Variants in LRRC75A observed in about 807,000 individuals in gnomAD.
LRRC75A encodes leucine-rich repeat-containing protein 75A.
LRRC75A carries 12 observed loss-of-function variants against 26.0 expected under a neutral mutation model. That is an observed-to-expected ratio of 0.46 (90% CI 0.30 to 0.75). The LOEUF is 0.75. LRRC75A is among the 30% of genes least tolerant of loss of function. The pLI, the probability that LRRC75A is intolerant of heterozygous loss-of-function variation, is 0.08. For synonymous variants in LRRC75A, 223 were observed against 219.3 expected, an observed-to-expected ratio of 1.02 and a Z score of -0.15; for missense variants, 410 against 486.6, an observed-to-expected ratio of 0.84 and a Z score of 1.48.
At chr17:16,448,232 G>A in intron 2 of LRRC75A, 1 of 421,996 alleles carries the variant, frequency 2.4e-6, no homozygotes, top group Non-Finnish European at 4.5e-6. Flanking sequence ...AAGTTGGCTG[G>A]AGCCAAGTGC....
chr17:16,483,497 G>A (rs1242092370), intron 1 of LRRC75A, among the ~76,000 whole-genome samples: 1 of 152,242 alleles, frequency 6.6e-6, no homozygotes, highest in Non-Finnish European at 1.5e-5. Flanking sequence ...GTTCGAATGT[G>A]AATCTGGCTC....
chr17:16,449,531 G>C (rs982235543), intron 2 of LRRC75A, among the ~76,000 whole-genome samples: 2 of 152,224 alleles, frequency 1.3e-5, no homozygotes, highest in Non-Finnish European at 2.9e-5. Flanking sequence ...TACCGTGATA[G>C]CGGCACCAGC....
intron 2 of LRRC75A, among the ~76,000 whole-genome samples, chr17:16,451,881 A>G (rs2093633978): frequency 1.3e-5 from 2 of 150,882 alleles, no homozygotes; most frequent in African/African-American, 4.9e-5. Context: ...AGTAGCTGGG[A>G]CTACAGGCGC....
rs10640541 is a variant in LRRC75A at position 16,473,129 on chromosome 17, C to CTGTGTGTG, written c.247-10751_247-10744dup. 3.0e-3 allele frequency among the ~76,000 whole-genome samples: 451 copies of CTGTGTGTG among 149,054 alleles called. 2 individuals are homozygous for CTGTGTGTG. Among genetic ancestry groups the CTGTGTGTG allele is most frequent in the African/African-American group, 0.011 (436 of 40,728 alleles). On this transcript the variant is annotated intron_variant, in intron 1 of 3. Coordinates refer to ENST00000470794, the MANE Select transcript of LRRC75A (RefSeq NM_001113567.3). ...GAAAATTCAAGTCGTTGTAAGTAGT[C>CTGTGTGTG]TGTGTGTGTGTGTGTGTGTGTGCGC... is the stretch of plus-strand genomic sequence containing the variant.
chr17:16,444,273 G>A (rs2093561268), intron 3 of LRRC75A, 142 bp from the exon 4 acceptor site: 2 of 686,356 alleles, frequency 2.9e-6, no homozygotes, highest in Non-Finnish European at 4.8e-6. Context: ...CACAAGTGCA[G>A]AGGTGGGAGC....
rs192438397 is a variant in LRRC75A at position 16,476,405 on chromosome 17, C to T, written c.247-14019G>A. ...TTTTTTTTTTTTGTAGAAATGGAGT[C>T]TTGCTTTGTTTGCCTAGGCTGGTCT... On this transcript the variant is annotated intron_variant, in intron 1 of 3. Transcript: ENST00000470794. Among the ~76,000 whole-genome samples, 415 of 150,780 alleles carry T rather than the reference C, an allele frequency of 2.8e-3. 1 individual carries two copies. Among genetic ancestry groups the T allele is most frequent in the Non-Finnish European group, 4.3e-3 (290 of 67,798 alleles).
At chr17:16,478,175 TTTC>T (rs943500207) in intron 1 of LRRC75A, among the ~76,000 whole-genome samples, 2 of 151,276 alleles carry the variant, frequency 1.3e-5, no homozygotes, top group Admixed American at 6.6e-5. Flanking sequence ...TCTTGCCCAT[TTTC>T]TTCTTTTTTT....
At chr17:16,484,904 G>T (rs74860583) in intron 1 of LRRC75A, among the ~76,000 whole-genome samples, 2,058 of 151,566 alleles carry the variant, frequency 0.014, 45 homozygotes, top group African/African-American at 0.047. Flanking sequence ...TCTTTGAGCA[G>T]CAGCCGTCGG....
intron 2 of LRRC75A, among the ~76,000 whole-genome samples, chr17:16,456,133 G>GGAGGAGGAA (rs1161498692): frequency 6.7e-6 from 1 of 148,788 alleles, no homozygotes; most frequent in Non-Finnish European, 1.5e-5. Flanking sequence ...AGTAGTAGGA[G>GGAGGAGGAA]GAGGAGGAAG....
At position 16,491,881 on chromosome 17, in the gene LRRC75A, G is replaced by C; in HGVS notation, c.110C>G (p.Ala37Gly). ...PDFWASLLLRAGDKAGRAGAG... is the reference protein window; with the variant it reads ...PDFWASLLLRGGDKAGRAGAG... ...GCCCGCGCGCCCCGCCTTGTCCCCG[G>C]CGCGCAGCAGCAGCGACGCCCAGAA... Residue 37 changes from alanine (A) to glycine (G), a missense_variant, in exon 1 of 4, where the codon GCC becomes GGC. By Grantham distance (60) the Ala-to-Gly change is moderately conservative. Coordinates refer to ENST00000470794, the MANE Select transcript of LRRC75A (RefSeq NM_001113567.3). This position sits in a 1 kb window ranked among gnomAD's most constrained non-coding sequence, Gnocchi z 5.9. The C allele has an allele frequency of 7.3e-7, 1 of 1,361,042 alleles. No individual in the cohort carries two copies. The highest frequency in any genetic ancestry group is 3.3e-5 in the East Asian group (1 of 30,232). The allele number at this position is 1,361,042 out of a possible 1,614,324, so 84.3% of individuals were successfully genotyped here.
intron 2 of LRRC75A, among the ~76,000 whole-genome samples, chr17:16,453,326 ACG>A (rs1568956665): frequency 9.4e-5 from 13 of 137,688 alleles, no homozygotes; most frequent in South Asian, 2.2e-4. Flanking sequence ...ACACGCACAC[ACG>A]CACACGCACA....
chr17:16,456,607 C>A (rs569596120), intron 2 of LRRC75A, among the ~76,000 whole-genome samples: 8 of 152,176 alleles, frequency 5.3e-5, no homozygotes, highest in Admixed American at 3.9e-4. Context: ...CCCTACCATG[C>A]GGCAGGGGGA....
chr17:16,475,516 G>A (rs1180043543), intron 1 of LRRC75A, among the ~76,000 whole-genome samples: 1 of 152,122 alleles, frequency 6.6e-6, no homozygotes, highest in Non-Finnish European at 1.5e-5. Context: ...TCAACTGATT[G>A]AATGAGGCTC....
At chr17:16,476,824 C>T (rs112419072) in intron 1 of LRRC75A, among the ~76,000 whole-genome samples, 4,668 of 150,448 alleles carry the variant, frequency 0.031, 210 homozygotes, top group African/African-American at 0.11. Context: ...CTGCAAGCTC[C>T]GCCTCCCGGG....
rs942192514 is a variant in LRRC75A at position 16,442,140 on chromosome 17, T to A, written c.*1448A>T. 1 of 152,348 alleles carries A rather than the reference T, an allele frequency of 6.6e-6. No individual in the cohort carries two copies. The highest frequency in any genetic ancestry group is 1.5e-5 in the Non-Finnish European group (1 of 68,132). 9.4% of individuals were successfully genotyped at this position (152,348 alleles called of 1,614,324 possible). Reference sequence around the variant, plus strand: ...TGGTCAGCCTAAGCTCTTAACCCCCTATTCTACAGCTTTAGACTGAAGGCA... The same window carrying A: ...TGGTCAGCCTAAGCTCTTAACCCCCAATTCTACAGCTTTAGACTGAAGGCA... On this transcript the variant is annotated 3_prime_UTR_variant, in exon 4 of 4. Transcript: ENST00000470794.
rs1036776602 is a variant in LRRC75A, at chr17:16,462,999, G to A, written c.247-613C>T. 1.6e-4 allele frequency: 24 copies of A among 153,540 alleles called. No homozygotes were observed. Among genetic ancestry groups the A allele is most frequent in the African/African-American group, 5.8e-4 (24 of 41,462 alleles). 9.5% of individuals were successfully genotyped at this position (153,540 alleles called of 1,614,324 possible). ...GCAGCTTGGAGGCGAGTGCTACTAA[G>A]TGTGGTGGGGCCGCGGCAGAAACCG... On this transcript the variant is annotated intron_variant, in intron 1 of 3. Transcript: ENST00000470794. The surrounding 1 kb of genome is among the most constrained non-coding windows in gnomAD (Gnocchi z 4.6).
At chr17:16,481,005 G>C (rs537299129) in intron 1 of LRRC75A, among the ~76,000 whole-genome samples, 2 of 152,214 alleles carry the variant, frequency 1.3e-5, no homozygotes, top group African/African-American at 4.8e-5. Context: ...GGCTGTGTGC[G>C]CCTCTGTCAA....
At chr17:16,472,201 G>C (rs2093808551) in intron 1 of LRRC75A, among the ~76,000 whole-genome samples, 1 of 152,158 alleles carries the variant, frequency 6.6e-6, no homozygotes, top group Middle Eastern at 3.4e-3. Flanking sequence ...GGCCACTAAG[G>C]GTTGCCCTCT....
chr17:16,476,970 C>A (rs1425544525), intron 1 of LRRC75A, among the ~76,000 whole-genome samples: 1 of 151,306 alleles, frequency 6.6e-6, no homozygotes, highest in Non-Finnish European at 1.5e-5. Flanking sequence ...AATCTCCTGA[C>A]CTTGTGATCC....
Sources: gnomAD v4.1 joint callset for allele counts (sites outside exome capture counted in the v4.1 genomes callset) on GRCh38, gnomAD v4.1.1 for gene constraint, Gnocchi (gnomAD v3.1) non-coding constraint, MANE v1.5 for transcripts, NCBI Gene and HGNC (gene_info 2026-07-23, HGNC 2026-07-21) for gene names.